Variants in RANBP2 observed in about 807,000 individuals in gnomAD.
The protein encoded by RANBP2 is RAN binding protein 2, also known as E3 SUMO-protein ligase RanBP2.
RANBP2 carries 57 observed loss-of-function variants against 303.6 expected under a neutral mutation model. The ratio of observed to expected loss-of-function variants is 0.19; its 90% CI spans 0.15 to 0.23. RANBP2 has a LOEUF of 0.23. Among genes scored for constraint, RANBP2 ranks in the 10% least tolerant of loss-of-function variants. RANBP2 has a pLI of 1.00. For synonymous variants in RANBP2, 1,167 were observed against 1,301.5 expected (o/e 0.90, Z 2.23); for missense variants, 3,138 against 3,780.8 (o/e 0.83, Z 4.46).
chr2:108,741,604 C>G (rs574676090), intron 7 of RANBP2, among the ~76,000 whole-genome samples: 1 of 139,054 alleles, frequency 7.2e-6, no homozygotes, highest in African/African-American at 2.7e-5. Flanking sequence ...CTCCCGAGTT[C>G]ACGCCATTTT....
chr2:109,318,257 G>T, the RANBP2 span, among the ~76,000 whole-genome samples: 1 of 152,146 alleles, frequency 6.6e-6, no homozygotes, highest in Admixed American at 6.5e-5. Context: ...AAATTTGAGC[G>T]CAGCCCCAGA....
chr2:109,218,449 C>A, the RANBP2 span, among the ~76,000 whole-genome samples: 1 of 152,162 alleles, frequency 6.6e-6, no homozygotes. Flanking sequence ...CTTCAGTTTC[C>A]ACTTCCTTTC....
intron 18 of RANBP2, 142 bp downstream of exon 18, chr2:108,758,690 C>T (rs1676508063): frequency 6.8e-6 from 10 of 1,470,980 alleles, no homozygotes; most frequent in Non-Finnish European, 9.2e-6. Context: ...ACTTCAAAAG[C>T]TGTATTTGGT....
At chr2:109,652,811 A>G in the RANBP2 span, among the ~76,000 whole-genome samples, 1 of 152,196 alleles carries the variant, frequency 6.6e-6, no homozygotes, top group Admixed American at 6.6e-5. Flanking sequence ...TGACTGGTAG[A>G]ACACAGAGAT....
chr2:108,794,517 T>C, the RANBP2 span: 2 of 1,579,248 alleles, frequency 1.3e-6, no homozygotes, highest in Admixed American at 3.7e-5. Context: ...AAGTTTATAA[T>C]GCAAATGTTA....
At chr2:109,732,087 G>T in the RANBP2 span, among the ~76,000 whole-genome samples, 2 of 151,852 alleles carry the variant, frequency 1.3e-5, no homozygotes, top group Non-Finnish European at 1.5e-5. Context: ...CAAACTCCTG[G>T]GCTCAAGAGA....
At chr2:109,646,531 G>A in the RANBP2 span, among the ~76,000 whole-genome samples, 6 of 151,644 alleles carry the variant, frequency 4.0e-5, no homozygotes, top group Non-Finnish European at 5.9e-5. Context: ...TTGCTCTGTC[G>A]CCCAGGCTGG....
chr2:109,590,597 A>G, the RANBP2 span, among the ~76,000 whole-genome samples: 7 of 151,930 alleles, frequency 4.6e-5, no homozygotes, highest in Non-Finnish European at 8.8e-5. Context: ...ACAGCTGACT[A>G]ATTTTTGTAT....
At chr2:109,343,420 C>G in the RANBP2 span, among the ~76,000 whole-genome samples, 1 of 152,074 alleles carries the variant, frequency 6.6e-6, no homozygotes, top group Non-Finnish European at 1.5e-5. Context: ...GGTTCATTCC[C>G]CCTCTTGGTT....
the RANBP2 span, among the ~76,000 whole-genome samples, chr2:109,173,730 G>T: frequency 6.6e-6 from 1 of 152,216 alleles, no homozygotes; most frequent in Admixed American, 6.5e-5. Context: ...GAGGGGCAGT[G>T]TCTAGGGGGA....
the RANBP2 span, among the ~76,000 whole-genome samples, chr2:108,916,739 C>A: frequency 2.0e-5 from 3 of 152,116 alleles, no homozygotes; most frequent in Admixed American, 1.3e-4. Flanking sequence ...GGATGGTGGA[C>A]CCTGACATTT....
chr2:109,731,282 G>A, the RANBP2 span, among the ~76,000 whole-genome samples: 14 of 152,300 alleles, frequency 9.2e-5, no homozygotes, highest in South Asian at 2.9e-3. Context: ...TCGGGAGTTG[G>A]TCCAATAGTA....
the RANBP2 span, among the ~76,000 whole-genome samples, chr2:109,061,700 T>C: frequency 2.6e-5 from 4 of 152,224 alleles, no homozygotes; most frequent in African/African-American, 9.6e-5. Flanking sequence ...GTGAATTTTC[T>C]ACAAAAGATT....
At chr2:109,051,510 A>C in the RANBP2 span, among the ~76,000 whole-genome samples, 2 of 152,238 alleles carry the variant, frequency 1.3e-5, no homozygotes, top group African/African-American at 4.8e-5. Context: ...AATGTGCAGA[A>C]GCATGCAGAA....
chr2:108,943,638 C>T, the RANBP2 span, among the ~76,000 whole-genome samples: 17 of 152,174 alleles, frequency 1.1e-4, no homozygotes, highest in East Asian at 3.9e-4. Flanking sequence ...ATGTCCAGAG[C>T]GAAGACTCCG....
chr2:109,129,322 C>T, the RANBP2 span: 80 of 733,544 alleles, frequency 1.1e-4, no homozygotes, highest in Non-Finnish European at 1.6e-4. Flanking sequence ...TGGGCGGGCT[C>T]GGCTGGCCGG....
the RANBP2 span, among the ~76,000 whole-genome samples, chr2:109,314,461 A>G: frequency 3.3e-5 from 5 of 152,196 alleles, no homozygotes; most frequent in Admixed American, 6.5e-5. Flanking sequence ...GCCCTGGGGA[A>G]AGCAGGTCAG....
At chr2:109,427,621 G>A in the RANBP2 span, among the ~76,000 whole-genome samples, 1 of 152,220 alleles carries the variant, frequency 6.6e-6, no homozygotes, top group African/African-American at 2.4e-5. Flanking sequence ...ACACACAAGT[G>A]TCAAAGGTGC....
the RANBP2 span, among the ~76,000 whole-genome samples, chr2:108,922,078 G>T: frequency 6.6e-6 from 1 of 152,338 alleles, no homozygotes; most frequent in East Asian, 1.9e-4. Flanking sequence ...CGCCCCTGCC[G>T]TGACTCAAGT....
Sources: allele counts gnomAD v4.1 joint callset (sites outside exome capture counted in the v4.1 genomes callset), GRCh38; gene constraint gnomAD v4.1.1; transcripts MANE v1.5; gene names NCBI Gene and HGNC (gene_info 2026-07-23, HGNC 2026-07-21).